Variants in PSME3IP1 observed in about 807,000 individuals in gnomAD.
PSME3IP1 encodes PSME3-interacting protein.
A neutral mutation model predicts 34.1 loss-of-function variants in PSME3IP1; 13 were observed. The ratio of observed to expected loss-of-function variants is 0.38; its 90% confidence interval spans 0.25 to 0.61. The LOEUF (loss-of-function observed/expected upper bound fraction) is 0.61. Ranked by LOEUF, PSME3IP1 falls within the 20% of genes least tolerant of loss-of-function variation. The pLI, the probability that PSME3IP1 is intolerant of heterozygous loss-of-function variation, is 0.60. For missense variants in PSME3IP1, 237 were observed against 301.4 expected (o/e 0.79, Z 1.58); for synonymous variants, 93 against 114.3 (o/e 0.81, Z 1.19).
At chr16:57,170,081 CTT>C (rs869047118) in intron 4 of PSME3IP1, among the ~76,000 whole-genome samples, 33 of 125,828 alleles carry the variant, frequency 2.6e-4, no homozygotes, top group Admixed American at 3.3e-4. Flanking sequence ...CCATACAACG[CTT>C]TTTTTTTTTT....
At chr16:57,179,045 G>T (rs370352940) in intron 1 of PSME3IP1, among the ~76,000 whole-genome samples, 6 of 152,294 alleles carry the variant, frequency 3.9e-5, no homozygotes, top group African/African-American at 1.4e-4. Flanking sequence ...GGGATATCAG[G>T]GATACGGGCT....
intron 6 of PSME3IP1, among the ~76,000 whole-genome samples, chr16:57,163,325 G>T (rs2071496108): frequency 1.3e-5 from 2 of 152,122 alleles, no homozygotes; most frequent in Admixed American, 6.5e-5. Flanking sequence ...ACCACCACTG[G>T]TGCTTAGTAG....
intron 6 of PSME3IP1, among the ~76,000 whole-genome samples, chr16:57,163,566 T>A (rs1439477069): frequency 1.3e-5 from 2 of 152,214 alleles, no homozygotes; most frequent in Non-Finnish European, 2.9e-5. Context: ...CAAAGAAGTA[T>A]ACTCCTTGAG....
In PSME3IP1 at chr16:57,172,288, C is replaced by T. The variant is rs752864583; in HGVS notation, c.311G>A (p.Arg104Gln). 2.6e-5 allele frequency: 42 copies of T among 1,613,752 alleles called. No individual in the cohort carries two copies. The Admixed American group carries it at 4.3e-4, about 17-fold the overall frequency. The change falls in exon 4 of 7, where the codon CGA (arginine) becomes CAA (glutamine). Residue 104 changes from arginine (R) to glutamine (Q), a missense_variant. By Grantham distance (43) the Arg-to-Gln change is conservative. Coordinates refer to ENST00000309137, the MANE Select transcript of PSME3IP1 (RefSeq NM_024946.4). ...SRQQELIEKQ[R>Q]REEELKELKE... Reference sequence around the variant, plus strand: ...CAGTTCTTTCAGTTCTTCTTCTCTTCGTTGCTTTTCTATTAGTTCCTGCTG... The same window carrying T: ...CAGTTCTTTCAGTTCTTCTTCTCTTTGTTGCTTTTCTATTAGTTCCTGCTG...
intron 5 of PSME3IP1, among the ~76,000 whole-genome samples, chr16:57,165,310 G>A (rs1224363158): frequency 1.3e-5 from 2 of 151,854 alleles, no homozygotes; most frequent in African/African-American, 2.4e-5. Context: ...AAATCATAAT[G>A]GATATTTTAA....
At chr16:57,169,500 G>A (rs2072306274) in intron 4 of PSME3IP1, among the ~76,000 whole-genome samples, 1 of 152,190 alleles carries the variant, frequency 6.6e-6, no homozygotes, top group Admixed American at 6.5e-5. Context: ...TGACTTGGAA[G>A]GCCTGCTTTT....
chr16:57,172,731 A>G, intron 3 of PSME3IP1, 45 bp downstream of exon 3: 1 of 1,412,684 alleles, frequency 7.1e-7, no homozygotes, highest in Non-Finnish European at 1.0e-6. Context: ...GTGCGTCAAA[A>G]GTACCCCACA....
chr16:57,160,304 A>AAAAAAAAG (rs1274957905), intron 6 of PSME3IP1, among the ~76,000 whole-genome samples: 6 of 152,148 alleles, frequency 3.9e-5, no homozygotes, highest in Admixed American at 3.9e-4. Context: ...CTCAAAAAAA[A>AAAAAAAAG]AAAAAAAGAA....
intron 1 of PSME3IP1, chr16:57,174,225 C>T (rs769606935): frequency 2.1e-5 from 4 of 190,124 alleles, no homozygotes; most frequent in Admixed American, 1.8e-4. Flanking sequence ...ACCTGGGAGG[C>T]GGAGGTTGCA....
intron 6 of PSME3IP1, among the ~76,000 whole-genome samples, chr16:57,163,667 G>T (rs2071533123): frequency 6.6e-6 from 1 of 152,334 alleles, no homozygotes; most frequent in African/African-American, 2.4e-5. Flanking sequence ...GTGAAATCAA[G>T]AAACCTGACA....
At chr16:57,164,808 G>C (rs570911299) in intron 5 of PSME3IP1, among the ~76,000 whole-genome samples, 48 of 152,226 alleles carry the variant, frequency 3.2e-4, no homozygotes, top group African/African-American at 1.2e-3. Context: ...AAGACGGACG[G>C]ATCACCTGAG....
chr16:57,175,155 C>T (rs1388022114), intron 1 of PSME3IP1, among the ~76,000 whole-genome samples: 3 of 152,000 alleles, frequency 2.0e-5, no homozygotes, highest in South Asian at 2.1e-4. Flanking sequence ...GCTGGGACTA[C>T]AGGCGTGTGC....
At chr16:57,185,520 T>C (rs188492924) in intron 1 of PSME3IP1, 3 of 985,434 alleles carry the variant, frequency 3.0e-6, no homozygotes, top group East Asian at 2.3e-4. Flanking sequence ...AGCCTGCTAC[T>C]CACTTGAAAC....
In PSME3IP1 at chr16:57,172,387, A is replaced by G. The variant is rs374879725; in HGVS notation, c.227-15T>C. 5.6e-6 allele frequency: 9 copies of G among 1,612,952 alleles called. No homozygotes were observed. The African/African-American group carries it at 1.2e-4, about 22-fold the overall frequency. ...TACCATGTTTTCTGAGGAAATAATT[A>G]AACAAGGCACACTTAGCAGGCTAAA... On this transcript the variant is annotated splice_polypyrimidine_tract_variant and intron_variant, in intron 3 of 6. Transcript: ENST00000309137.
intron 4 of PSME3IP1, among the ~76,000 whole-genome samples, chr16:57,168,193 G>A (rs1203274978): frequency 6.6e-6 from 1 of 152,178 alleles, no homozygotes; most frequent in Non-Finnish European, 1.5e-5. Flanking sequence ...GACATCTAGT[G>A]CCCAGGAAAT....
chr16:57,181,452 T>C (rs1225135407), intron 1 of PSME3IP1: 1 of 152,164 alleles, frequency 6.6e-6, no homozygotes, highest in Non-Finnish European at 1.5e-5. Context: ...AGTATAATTC[T>C]GTGAGGGATA....
In PSME3IP1 at chr16:57,154,244, T is replaced by C. The variant is rs1484780685; in HGVS notation, c.*46A>G. ...TAATGCCTATAGGCAGCATGAACGGTCCGATCTACCCTTGGGGAGGAGCTC... is the reference window on the plus strand; with the variant it reads ...TAATGCCTATAGGCAGCATGAACGGCCCGATCTACCCTTGGGGAGGAGCTC... On this transcript the variant is annotated 3_prime_UTR_variant, in exon 7 of 7. Coordinates refer to ENST00000309137, the MANE Select transcript of PSME3IP1 (RefSeq NM_024946.4). This position sits in a 1 kb window ranked among gnomAD's most constrained non-coding sequence, Gnocchi z 4.0. 3 of 1,571,056 alleles carry C rather than the reference T, an allele frequency of 1.9e-6. No homozygotes were observed. The highest frequency in any genetic ancestry group is 2.7e-5 in the African/African-American group (2 of 74,096).
At chr16:57,166,957 G>C (rs1469870315) in intron 5 of PSME3IP1, 136 bp downstream of exon 5, 3 of 933,978 alleles carry the variant, frequency 3.2e-6, no homozygotes, top group Non-Finnish European at 4.9e-6. Flanking sequence ...ATCTGGAAAG[G>C]GAGAGATAGG....
chr16:57,170,702 T>C (rs2072467157), intron 4 of PSME3IP1, among the ~76,000 whole-genome samples: 1 of 152,226 alleles, frequency 6.6e-6, no homozygotes, highest in South Asian at 2.1e-4. Context: ...TTACTTTACA[T>C]TCTAGCAGGA....
Sources: gnomAD v4.1 joint callset for allele counts (sites outside exome capture counted in the v4.1 genomes callset) on GRCh38, gnomAD v4.1.1 for gene constraint, Gnocchi (gnomAD v3.1) non-coding constraint, MANE v1.5 for transcripts, NCBI Gene and HGNC (gene_info 2026-07-23, HGNC 2026-07-21) for gene names.